Variants in FRMD6 observed in about 807,000 individuals in gnomAD.
FRMD6 encodes FERM domain containing 6, also known as FERM domain-containing protein 6.
Under a neutral mutation model 73.2 loss-of-function variants are expected in FRMD6, and 37 were observed. That is an observed-to-expected ratio of 0.51 (90% confidence interval 0.39 to 0.66). FRMD6 has a LOEUF of 0.66. FRMD6 is among the 30% of genes least tolerant of loss of function. The pLI is 0.00. For missense variants in FRMD6, 714 were observed against 780.5 expected, an observed-to-expected ratio of 0.91 and a Z score of 1.02; for synonymous variants, 273 against 282.2, an observed-to-expected ratio of 0.97 and a Z score of 0.33.
At chr14:51,694,962 T>C (rs1291242096) in intron 2 of FRMD6, among the ~76,000 whole-genome samples, 2 of 152,022 alleles carry the variant, frequency 1.3e-5, no homozygotes, top group Non-Finnish European at 2.9e-5. Flanking sequence ...TTACTTGATA[T>C]TTGTTAAAGA....
At chr14:51,599,301 G>A (rs113520376) in intron 2 of FRMD6, among the ~76,000 whole-genome samples, 2,260 of 152,032 alleles carry the variant, frequency 0.015, 50 homozygotes, top group African/African-American at 0.052. Flanking sequence ...GCAGAAGAAT[G>A]AAACTGATCC....
intron 2 of FRMD6, among the ~76,000 whole-genome samples, chr14:51,646,342 A>C (rs1010581793): frequency 7.1e-5 from 9 of 126,260 alleles, no homozygotes; most frequent in African/African-American, 2.6e-4. Context: ...AAAAAAAAAA[A>C]CCCACTGAAG....
intron 10 of FRMD6, 54 bp downstream of exon 10, chr14:51,715,553 T>A: frequency 1.4e-5 from 20 of 1,432,164 alleles, no homozygotes; most frequent in Non-Finnish European, 1.9e-5. Context: ...ACCTGTGGCC[T>A]CTTACTCTGA....
At chr14:51,572,216 C>A (rs1596629592) in intron 2 of FRMD6, among the ~76,000 whole-genome samples, 3 of 152,176 alleles carry the variant, frequency 2.0e-5, no homozygotes, top group Admixed American at 2.0e-4. Flanking sequence ...GCCCTTGGAG[C>A]AAAATTTGAA....
chr14:51,512,809 GC>G (rs1884394049), intron 1 of FRMD6, among the ~76,000 whole-genome samples: 3 of 152,256 alleles, frequency 2.0e-5, no homozygotes, highest in Admixed American at 2.0e-4. Flanking sequence ...AAGGATTGGG[GC>G]TCAGTGGTGA....
chr14:51,598,953 C>G (rs1228689136), intron 2 of FRMD6, among the ~76,000 whole-genome samples: 1 of 150,576 alleles, frequency 6.6e-6, no homozygotes, highest in Non-Finnish European at 1.5e-5. Context: ...GTTTTAAGTT[C>G]TTTAAGAAAT....
intron 2 of FRMD6, among the ~76,000 whole-genome samples, chr14:51,580,313 C>A (rs763290938): frequency 2.6e-5 from 4 of 152,194 alleles, no homozygotes; most frequent in Non-Finnish European, 4.4e-5. Flanking sequence ...GCCCAGCAGG[C>A]TCAACCTGGA....
chr14:51,578,300 G>T (rs143893507), intron 2 of FRMD6, among the ~76,000 whole-genome samples: 57 of 152,216 alleles, frequency 3.7e-4, no homozygotes, highest in African/African-American at 1.0e-3. Flanking sequence ...ATGCCACAAA[G>T]AATATAAAGT....
chr14:51,602,164 G>T (rs992106296), intron 2 of FRMD6, among the ~76,000 whole-genome samples: 3 of 152,302 alleles, frequency 2.0e-5, no homozygotes, highest in African/African-American at 7.2e-5. Context: ...GATGCTCCAA[G>T]AAATAGAATT....
chr14:51,720,070 G>A lies in FRMD6; in HGVS notation c.1040G>A (p.Arg347Gln), dbSNP rs747642373. 18 of 1,612,206 alleles carry A rather than the reference G, an allele frequency of 1.1e-5. No homozygotes were observed. Among genetic ancestry groups the A allele is most frequent in the South Asian group, 4.4e-5 (4 of 90,948 alleles). The stretch of plus-strand genomic sequence containing the variant: ...CACCACGTAGAGAAGAAGCAGTACC[G>A]GGAATCTTACATCAGTGACAACCTG... ...LEENEEKKQY[R>Q]ESYISDNLDL... Residue 347 changes from arginine to glutamine, a missense_variant, in exon 11 of 14, where the codon CGG becomes CAG. Physicochemically the swap from Arg to Gln is conservative, Grantham distance 43. Coordinates refer to ENST00000344768, the MANE Select transcript of FRMD6 (RefSeq NM_001267046.2).
chr14:51,560,892 C>A (rs1202877629), intron 1 of FRMD6, among the ~76,000 whole-genome samples: 1 of 152,204 alleles, frequency 6.6e-6, no homozygotes, highest in East Asian at 1.9e-4. Flanking sequence ...TACTCTTGGT[C>A]TCTCTTTAAT....
intron 1 of FRMD6, among the ~76,000 whole-genome samples, chr14:51,681,210 C>A (rs963251904): frequency 6.6e-6 from 1 of 152,130 alleles, no homozygotes; most frequent in Non-Finnish European, 1.5e-5. Flanking sequence ...CCGAGGTTAA[C>A]CTCATTGGTT....
chr14:51,436,301 CA>C, the FRMD6 span: 1 of 381,200 alleles, frequency 2.6e-6, no homozygotes, highest in African/African-American at 2.1e-5. Context: ...AATTGATTGC[CA>C]AAATCCCAGA....
At chr14:51,570,103 C>T (rs558781840) in intron 1 of FRMD6, among the ~76,000 whole-genome samples, 62 of 152,160 alleles carry the variant, frequency 4.1e-4, no homozygotes, top group Non-Finnish European at 8.4e-4. Context: ...ACGTGAGCCA[C>T]TGCGCCCGGC....
At chr14:51,512,489 C>T (rs1429472715) in intron 1 of FRMD6, among the ~76,000 whole-genome samples, 1 of 152,190 alleles carries the variant, frequency 6.6e-6, no homozygotes, top group African/African-American at 2.4e-5. Context: ...TCCCCAGGGA[C>T]AACGTCTTGT....
chr14:51,507,907 ATT>A (rs1442148836), intron 1 of FRMD6, among the ~76,000 whole-genome samples: 2 of 151,954 alleles, frequency 1.3e-5, no homozygotes, highest in Non-Finnish European at 2.9e-5. Context: ...AGGAGACCCT[ATT>A]TTCTTGGTGC....
At chr14:51,579,881 A>G (rs1014957886) in intron 2 of FRMD6, among the ~76,000 whole-genome samples, 7 of 152,164 alleles carry the variant, frequency 4.6e-5, no homozygotes, top group African/African-American at 1.4e-4. Context: ...AAGCAACAAT[A>G]AAACTGTCTC....
At chr14:51,560,016 T>C (rs1887388794) in intron 1 of FRMD6, among the ~76,000 whole-genome samples, 1 of 152,158 alleles carries the variant, frequency 6.6e-6, no homozygotes, top group Non-Finnish European at 1.5e-5. Context: ...ACATTTCTGC[T>C]AGTCTTTTGT....
chr14:51,602,696 G>A (rs769988896), intron 2 of FRMD6, among the ~76,000 whole-genome samples: 10 of 152,174 alleles, frequency 6.6e-5, no homozygotes, highest in Non-Finnish European at 1.3e-4. Context: ...AGAAAAGCCT[G>A]TCAACTACTG....
Sources: gnomAD v4.1 joint callset for allele counts (sites outside exome capture counted in the v4.1 genomes callset) on GRCh38, gnomAD v4.1.1 for gene constraint, MANE v1.5 for transcripts, NCBI Gene and HGNC (gene_info 2026-07-23, HGNC 2026-07-21) for gene names.